SIK2: variants seen among roughly 807,000 people sequenced by gnomAD.
The protein encoded by SIK2 is salt inducible kinase 2.
Under a neutral mutation model 103.2 loss-of-function variants are expected in SIK2, and 29 were observed. The observed-to-expected ratio is 0.28, with a 90% CI of 0.21 to 0.38. SIK2 has a LOEUF of 0.38. Among genes scored for constraint, SIK2 ranks in the 10% least tolerant of loss-of-function variants. The probability of loss-of-function intolerance (pLI) is 1.00; values close to 1 mark genes in which losing one functional copy is unlikely to be tolerated. For synonymous variants in SIK2, 412 were observed against 446.1 expected (o/e 0.92, Z 0.96); for missense variants, 879 against 1,171.0 (o/e 0.75, Z 3.64).
chr11:111,612,664 G>C (rs775435375), intron 1 of SIK2, among the ~76,000 whole-genome samples: 6 of 152,072 alleles, frequency 3.9e-5, no homozygotes, highest in African/African-American at 7.2e-5. Flanking sequence ...ACCGCCTTCA[G>C]GTTAACCTTG....
intron 3 of SIK2, among the ~76,000 whole-genome samples, chr11:111,639,940 A>G (rs1321777185): frequency 6.6e-6 from 1 of 152,104 alleles, no homozygotes; most frequent in Non-Finnish European, 1.5e-5. Context: ...TTTAAGATTA[A>G]ATCTCTAATA....
At chr11:111,690,473 G>A (rs1942919135) in intron 4 of SIK2, among the ~76,000 whole-genome samples, 1 of 150,958 alleles carries the variant, frequency 6.6e-6, no homozygotes, top group Non-Finnish European at 1.5e-5. Context: ...TTTAAGTTCT[G>A]GGATACATGT....
intron 1 of SIK2, among the ~76,000 whole-genome samples, chr11:111,615,736 G>A (rs904164220): frequency 2.0e-5 from 3 of 152,244 alleles, no homozygotes; most frequent in Admixed American, 6.5e-5. Flanking sequence ...AAGTCCAATT[G>A]TATTTTCTCA....
chr11:111,658,090 TTTTATTTATTTATTTA>T (rs199738502), intron 3 of SIK2, among the ~76,000 whole-genome samples: 1,468 of 135,578 alleles, frequency 0.011, 12 homozygotes, highest in Middle Eastern at 0.066. Flanking sequence ...TTCATTTTTA[TTTTATTTATTTATTTA>T]TTTATTTATT....
chr11:111,721,402 T>C (rs1943797528), intron 12 of SIK2, among the ~76,000 whole-genome samples: 1 of 152,172 alleles, frequency 6.6e-6, no homozygotes, highest in Admixed American at 6.5e-5. Flanking sequence ...ACAAATGAAC[T>C]ACACCCAAAT....
intron 4 of SIK2, among the ~76,000 whole-genome samples, chr11:111,700,117 T>A (rs1254682090): frequency 6.6e-6 from 1 of 152,234 alleles, no homozygotes; most frequent in East Asian, 1.9e-4. Flanking sequence ...TAACAATACT[T>A]ACTAAATTTT....
chr11:111,630,497 C>CA lies in SIK2; in HGVS notation c.316+10105dup, dbSNP rs143449475. On this transcript the variant is annotated intron_variant, in intron 3 of 14. Coordinates refer to ENST00000304987, the MANE Select transcript of SIK2 (RefSeq NM_015191.3). Reference sequence around the variant, plus strand: ...TACTTCAGTAAATCCTTGTCTCTCTCAAAAAAAAAAGGAGAGTTTAGTAAT... The same window carrying CA: ...TACTTCAGTAAATCCTTGTCTCTCTCAAAAAAAAAAAGGAGAGTTTAGTAAT... Among the ~76,000 whole-genome samples, 178 of 143,810 alleles carry CA rather than the reference C, an allele frequency of 1.2e-3. 1 individual carries two copies. The highest frequency in any genetic ancestry group is 3.6e-3 in the Middle Eastern group (1 of 274). The allele number at this position is 143,810 out of a possible 152,430, so 94.3% of individuals were successfully genotyped here. A position where few individuals can be genotyped will look rare whatever the true frequency, so the allele number is the denominator to read the frequency against.
At chr11:111,626,526 C>T (rs569960249) in intron 3 of SIK2, among the ~76,000 whole-genome samples, 54 of 152,000 alleles carry the variant, frequency 3.6e-4, no homozygotes, top group Admixed American at 2.3e-3. Context: ...CTAGGAGGTC[C>T]CCATCTCTAT....
intron 3 of SIK2, among the ~76,000 whole-genome samples, chr11:111,658,321 C>A (rs1942421888): frequency 6.6e-6 from 1 of 152,022 alleles, no homozygotes; most frequent in Admixed American, 6.6e-5. Context: ...GACAGGGTTT[C>A]ACCATATTGG....
At position 111,602,551 on chromosome 11, in the gene SIK2, A is replaced by T. The variant is rs1285352162; in HGVS notation, c.-13A>T. The T allele has an allele frequency of 1.3e-6, 2 of 1,503,658 alleles. No individual in the cohort carries two copies. The highest frequency in any genetic ancestry group is 1.8e-6 in the Non-Finnish European group (2 of 1,126,810). The allele number at this position is 1,503,658 out of a possible 1,614,324, so 93.1% of individuals were successfully genotyped here. A position where few individuals can be genotyped will look rare whatever the true frequency, so the allele number is the denominator to read the frequency against. ...CGCGCTCCTGTCCGCCGTGTCTAGCAGCGGGGCCCAGCATGGTCATGGCGG... is the reference window on the plus strand; with the variant it reads ...CGCGCTCCTGTCCGCCGTGTCTAGCTGCGGGGCCCAGCATGGTCATGGCGG... On this transcript the variant is annotated 5_prime_UTR_variant, in exon 1 of 15. Coordinates refer to ENST00000304987, the MANE Select transcript of SIK2 (RefSeq NM_015191.3). The surrounding 1 kb of genome is among the most constrained non-coding windows in gnomAD (Gnocchi z 4.5).
At chr11:111,665,521 AAAAAG>A (rs992380565) in intron 3 of SIK2, among the ~76,000 whole-genome samples, 4 of 152,104 alleles carry the variant, frequency 2.6e-5, no homozygotes, top group African/African-American at 4.8e-5. Flanking sequence ...AAAAAGAAAA[AAAAAG>A]GAAAAGAAAT....
intron 4 of SIK2, among the ~76,000 whole-genome samples, chr11:111,690,098 C>A (rs1370689340): frequency 6.6e-6 from 1 of 151,850 alleles, no homozygotes; most frequent in Non-Finnish European, 1.5e-5. Flanking sequence ...TAGTTTATGT[C>A]TGTTCACTTC....
intron 3 of SIK2, among the ~76,000 whole-genome samples, chr11:111,640,646 AACTATGCTAT>A (rs879914227): frequency 6.6e-6 from 1 of 151,924 alleles, no homozygotes; most frequent in African/African-American, 2.4e-5. Context: ...AAACACTTAG[AACTATGCTAT>A]ACTATGCTAT....
chr11:111,611,405 T>C (rs1037795603), intron 1 of SIK2, among the ~76,000 whole-genome samples: 1 of 152,174 alleles, frequency 6.6e-6, no homozygotes, highest in Non-Finnish European at 1.5e-5. Flanking sequence ...TATAATCTAT[T>C]TTATATTCCT....
intron 3 of SIK2, among the ~76,000 whole-genome samples, chr11:111,665,572 C>T (rs1413979428): frequency 3.3e-5 from 5 of 151,844 alleles, no homozygotes; most frequent in Admixed American, 3.3e-4. Flanking sequence ...GCCTGTAATC[C>T]CATCACTTTG....
intron 3 of SIK2, chr11:111,672,444 G>A: frequency 3.4e-6 from 1 of 295,260 alleles, no homozygotes; most frequent in African/African-American, 2.2e-5. Flanking sequence ...GAGATTTGAG[G>A]AGGATCAGAG....
intron 3 of SIK2, among the ~76,000 whole-genome samples, chr11:111,649,876 T>A (rs9783360): frequency 0.04 from 6,104 of 152,142 alleles, 426 homozygotes; most frequent in African/African-American, 0.14. Context: ...TCTATTTTTT[T>A]AAAAAAATTA....
At chr11:111,604,979 A>G (rs1028716547) in intron 1 of SIK2, among the ~76,000 whole-genome samples, 3 of 142,796 alleles carry the variant, frequency 2.1e-5, no homozygotes, top group African/African-American at 5.3e-5. Context: ...TTTTTTTGAG[A>G]CGGAGCCTCG....
Position 111,730,675 on chromosome 11 carries a change from A to G in SIK2, c.*6546A>G, listed in dbSNP as rs1446914327. The G allele has an allele frequency of 6.7e-6, 1 of 150,348 alleles. No homozygotes were observed. Among genetic ancestry groups the G allele is most frequent in the Non-Finnish European group, 1.5e-5 (1 of 67,452 alleles). 9.3% of individuals were successfully genotyped at this position (150,348 alleles called of 1,614,324 possible). A position where few individuals can be genotyped will look rare whatever the true frequency, so the allele number is the denominator to read the frequency against. On this transcript the variant is annotated 3_prime_UTR_variant, in exon 15 of 15. Transcript: ENST00000304987. ...TGCAAATCATAATAGCTCCAATGTGAAAAAAAAAATCAAAAGTATAACTTG... is the reference window on the plus strand; with the variant it reads ...TGCAAATCATAATAGCTCCAATGTGGAAAAAAAAATCAAAAGTATAACTTG...
Sources: gnomAD v4.1 joint callset for allele counts (sites outside exome capture counted in the v4.1 genomes callset) on GRCh38, gnomAD v4.1.1 for gene constraint, Gnocchi (gnomAD v3.1) non-coding constraint, MANE v1.5 for transcripts, NCBI Gene and HGNC (gene_info 2026-07-23, HGNC 2026-07-21) for gene names.